The following PFAS variants were observed in gnomAD, a reference collection of about 807,000 sequenced individuals.
PFAS encodes FGAM synthase.
Under a neutral mutation model 140.6 loss-of-function variants are expected in PFAS, and 97 were observed. That is an observed-to-expected ratio of 0.69 (90% confidence interval 0.59 to 0.82). The LOEUF is 0.82. Ranked by LOEUF, PFAS falls within the 40% of genes least tolerant of loss-of-function variation. The pLI, the probability that PFAS is intolerant of heterozygous loss-of-function variation, is 0.00. For synonymous variants in PFAS, 679 were observed against 718.8 expected (o/e 0.94, Z 0.88); for missense variants, 1,656 against 1,780.2 (o/e 0.93, Z 1.26).
At position 8,265,722 on chromosome 17, in the gene PFAS, C is replaced by T; in HGVS notation, c.2545+83C>T. 4.3e-6 allele frequency: 6 copies of T among 1,396,568 alleles called. No individual in the cohort carries two copies. In the South Asian group the frequency reaches 6.9e-5, roughly 16 times the overall value. The allele number at this position is 1,396,568 out of a possible 1,614,324, so 86.5% of individuals were successfully genotyped here. On this transcript the variant is annotated intron_variant, in intron 20 of 27. Coordinates refer to ENST00000314666, the MANE Select transcript of PFAS (RefSeq NM_012393.3). ...TGCTTTGTGAGTGCTGGGCCCCCAT[C>T]TCAACACTGGGCTGTGGTGTTTTCT... is the stretch of plus-strand genomic sequence containing the variant.
Position 8,255,240 on chromosome 17 carries a change from G to T in PFAS, c.384+108G>T, listed in dbSNP as rs988045193. On this transcript the variant is annotated intron_variant, in intron 4 of 27. Transcript: ENST00000314666. ...GTGCTCCTGGCTTTAGGCCTGCTCTGTATGGTCGTACAAGTTGTTCACTGC... is the reference window on the plus strand; with the variant it reads ...GTGCTCCTGGCTTTAGGCCTGCTCTTTATGGTCGTACAAGTTGTTCACTGC... 4 of 814,698 alleles carry T rather than the reference G, an allele frequency of 4.9e-6. No homozygotes were observed. In the African/African-American group the frequency reaches 5.1e-5, roughly 10 times the overall value. The allele number at this position is 814,698 out of a possible 1,614,324, so 50.5% of individuals were successfully genotyped here. A position where few individuals can be genotyped will look rare whatever the true frequency, so the allele number is the denominator to read the frequency against.
chr17:8,252,790 G>A (rs8079155), intron 1 of PFAS, among the ~76,000 whole-genome samples: 2,892 of 151,980 alleles, frequency 0.019, 97 homozygotes, highest in African/African-American at 0.066. Context: ...GCAAATTTTT[G>A]TATCTTTTTT....
rs965725069 is a variant in PFAS, at chr17:8,266,965, T to C, written c.2968-63T>C. 6.2e-7 allele frequency: 1 copy of C among 1,600,656 alleles called. No individual in the cohort carries two copies. Among genetic ancestry groups the C allele is most frequent in the Admixed American group, 1.7e-5 (1 of 59,814 alleles). ...GAGTGGGGTGGCCGCGGTCCATCCC[T>C]CTCCCACTGTGGAGGGGGCCATCCT... On this transcript the variant is annotated intron_variant, in intron 23 of 27. Transcript: ENST00000314666. This position sits in a 1 kb window ranked among gnomAD's most constrained non-coding sequence, Gnocchi z 5.0.
At chr17:8,263,035 C>A in intron 12 of PFAS, 42 bp downstream of exon 12, 1 of 1,609,146 alleles carries the variant, frequency 6.2e-7, no homozygotes, top group South Asian at 1.1e-5. Flanking sequence ...TTGATATAAC[C>A]GGGCCCCAGG....
Position 8,268,938 on chromosome 17 carries a change from C to T in PFAS, c.3707-16C>T. 1.2e-6 allele frequency: 2 copies of T among 1,613,780 alleles called. No homozygotes were observed. The highest frequency in any genetic ancestry group is 2.7e-5 in the African/African-American group (2 of 75,054). ...GAAGGACCTTGGCTCTCACTTCCCT[C>T]CTCCTTCCATCCCAGGTTACGTAGC... On this transcript the variant is annotated splice_polypyrimidine_tract_variant and intron_variant, in intron 27 of 27. Coordinates refer to ENST00000314666, the MANE Select transcript of PFAS (RefSeq NM_012393.3).
At chr17:8,255,987 C>A (rs1364173696) in intron 6 of PFAS, 77 bp downstream of exon 6, 2 of 1,157,532 alleles carry the variant, frequency 1.7e-6, no homozygotes, top group Non-Finnish European at 2.6e-6. Flanking sequence ...CCTTCATGTT[C>A]CTCCCTTGGC....
At position 8,266,315 on chromosome 17, in the gene PFAS, G is replaced by A. The variant is rs1989811483; in HGVS notation, c.2783G>A (p.Cys928Tyr). ...CLLEMAFAGN[C>Y]GLQVDVPVPR... ...CTGGAGATGGCCTTTGCTGGAAATT[G>A]CGGGCTACAGGTGGATGTGCCTGTC... The change falls in exon 22 of 28, where the codon TGC becomes TAC. Residue 928 changes from cysteine (C) to tyrosine (Y), a missense_variant. Physicochemically the swap from Cys to Tyr is radical, Grantham distance 194 (BLOSUM62 -2). This residue lies in a region of PFAS where 883 missense variants were observed against 1,023.0 expected (regional missense o/e 0.86). Coordinates refer to ENST00000314666, the MANE Select transcript of PFAS (RefSeq NM_012393.3). The surrounding 1 kb of genome is among the most constrained non-coding windows in gnomAD (Gnocchi z 5.0). 1.2e-6 allele frequency: 2 copies of A among 1,613,984 alleles called. No homozygotes were observed. Among genetic ancestry groups the A allele is most frequent in the African/African-American group, 1.3e-5 (1 of 74,926 alleles).
At chr17:8,260,252 G>T (rs1159701443) in intron 11 of PFAS, among the ~76,000 whole-genome samples, 1 of 152,066 alleles carries the variant, frequency 6.6e-6, no homozygotes, top group African/African-American at 2.4e-5. Context: ...ATTTACAATA[G>T]CATCACCCAC....
At chr17:8,256,809 G>T in intron 8 of PFAS, 26 bp from the exon 9 acceptor site, 2 of 1,578,498 alleles carry the variant, frequency 1.3e-6, no homozygotes, top group Non-Finnish European at 1.7e-6. Context: ...GAGGCACCCA[G>T]ACCTCTCCCC....
chr17:8,252,064 C>A (rs981070276), intron 1 of PFAS, among the ~76,000 whole-genome samples: 3 of 151,864 alleles, frequency 2.0e-5, no homozygotes, highest in African/African-American at 7.2e-5. Context: ...GAGTCCGAGG[C>A]GGGCAGATCA....
chr17:8,255,511 C>G lies in PFAS; in HGVS notation c.394C>G (p.Pro132Ala), dbSNP rs1380529659. ...TRRYRLSFAHPPSAEVEAIAL... is the reference protein window; with the variant it reads ...TRRYRLSFAHAPSAEVEAIAL... ...GTGTCTGCACCCCTAGTTTGCCCAC[C>G]CCCCGTCAGCTGAGGTGGAAGCCAT... Residue 132 changes from proline (P) to alanine (A), a missense_variant, in exon 5 of 28, where the codon CCC becomes GCC. Around this residue, in one of 2 missense-constraint regions of PFAS, gnomAD observed 773 missense variants for 757.3 expected, o/e 1.02. Coordinates refer to ENST00000314666, the MANE Select transcript of PFAS (RefSeq NM_012393.3). The G allele has an allele frequency of 1.8e-5, 27 of 1,516,676 alleles. No homozygotes were observed. The highest frequency in any genetic ancestry group is 2.7e-5 in the South Asian group (2 of 74,724). 94.0% of individuals were successfully genotyped at this position (1,516,676 alleles called of 1,614,324 possible).
In PFAS at chr17:8,264,212, A is replaced by G; in HGVS notation, c.1792A>G (p.Ile598Val). ...TGGGTGGGGTCCCTGTGGTCTATAG[A>G]TAGTGCTGGTGGACGATCGGGAGTG... ...FVGTITGDRR[I>V]VLVDDRECPV... is the part of the protein sequence containing the mutation. The change falls in exon 16 of 28, where the codon ATA (isoleucine) becomes GTA (valine). Residue 598 changes from isoleucine to valine, a missense_variant and splice_region_variant. This residue lies in a region of PFAS where 883 missense variants were observed against 1,023.0 expected (regional missense o/e 0.86). Transcript: ENST00000314666. The G allele has an allele frequency of 5.0e-6, 8 of 1,613,972 alleles. No individual in the cohort carries two copies. The highest frequency in any genetic ancestry group is 1.1e-5 in the South Asian group (1 of 91,072).
rs539984905 is a variant in PFAS at position 8,258,022 on chromosome 17, G to A, written c.1208-49G>A. ...CGACCCAGGGGCTGTGCTATTGGGC[G>A]AGCACTGGGGGAACTGAGTGACAGG... On this transcript the variant is annotated intron_variant, in intron 10 of 27. Transcript: ENST00000314666. The A allele has an allele frequency of 6.2e-5, 100 of 1,612,912 alleles. No individual in the cohort carries two copies. The South Asian group carries it at 9.4e-4, about 15-fold the overall frequency.
In PFAS at chr17:8,266,783, G is replaced by A; in HGVS notation, c.2852G>A (p.Gly951Asp). 1 of 1,611,726 alleles carries A rather than the reference G, an allele frequency of 6.2e-7. No individual in the cohort carries two copies. Among genetic ancestry groups the A allele is most frequent in the Non-Finnish European group, 8.5e-7 (1 of 1,179,258 alleles). The change falls in exon 23 of 28, where the codon GGC (glycine) becomes GAC (aspartate). Residue 951 changes from glycine (G) to aspartate (D), a missense_variant. Physicochemically the swap from Gly to Asp is moderately conservative, Grantham distance 94. Around this residue, in one of 2 missense-constraint regions of PFAS, gnomAD observed 883 missense variants for 1,023.0 expected, o/e 0.86. Coordinates refer to ENST00000314666, the MANE Select transcript of PFAS (RefSeq NM_012393.3). The surrounding 1 kb of genome is among the most constrained non-coding windows in gnomAD (Gnocchi z 5.0). ...TCTGTGCTGTTCGCTGAGGAGCCAGGCCTCGTGCTGGAGGTGCAGGAGCCA... is the reference window on the plus strand; with the variant it reads ...TCTGTGCTGTTCGCTGAGGAGCCAGACCTCGTGCTGGAGGTGCAGGAGCCA... Reference protein sequence around the residue: ...VLSVLFAEEPGLVLEVQEPDL... With the variant: ...VLSVLFAEEPDLVLEVQEPDL...
intron 11 of PFAS, among the ~76,000 whole-genome samples, chr17:8,260,186 T>C (rs1445053933): frequency 6.9e-6 from 1 of 143,930 alleles, no homozygotes; most frequent in African/African-American, 2.5e-5. Context: ...TTATGTAGTA[T>C]ACATACAATA....
intron 18 of PFAS, 32 bp downstream of exon 18, chr17:8,265,157 C>T: frequency 6.3e-7 from 1 of 1,588,748 alleles, no homozygotes; most frequent in Non-Finnish European, 8.6e-7. Context: ...ATCCTGGAGC[C>T]CCCGGGCTTC....
At chr17:8,258,569 G>T (rs1168056418) in intron 11 of PFAS, among the ~76,000 whole-genome samples, 1 of 152,116 alleles carries the variant, frequency 6.6e-6, no homozygotes, top group African/African-American at 2.4e-5. Context: ...GGCCAGGCAG[G>T]GTGGCTCGCA....
chr17:8,248,198 C>T (rs2151565423), upstream of PFAS: 3 of 631,518 alleles, frequency 4.8e-6, no homozygotes, highest in Middle Eastern at 4.3e-4. Context: ...CCGCGAGGCG[C>T]CTCGGTGCAC....
Position 8,266,197 on chromosome 17 carries a change from G to A in PFAS, c.2702-37G>A. 6.2e-7 allele frequency: 1 copy of A among 1,611,686 alleles called. No individual in the cohort carries two copies. Among genetic ancestry groups the A allele is most frequent in the African/African-American group, 1.3e-5 (1 of 74,994 alleles). On this transcript the variant is annotated intron_variant, in intron 21 of 27. Transcript: ENST00000314666. The surrounding 1 kb of genome is among the most constrained non-coding windows in gnomAD (Gnocchi z 5.0). The stretch of plus-strand genomic sequence containing the variant: ...GGTGGGGTGGGGCTGTCAGGTTTGG[G>A]TCCCGAGGTTGCTGAGCTTTCTTCT...
Sources: gnomAD v4.1 joint callset for allele counts (sites outside exome capture counted in the v4.1 genomes callset) on GRCh38, gnomAD v4.1.1 for gene constraint, gnomAD v4.1.1 regional missense constraint, Gnocchi (gnomAD v3.1) non-coding constraint, MANE v1.5 for transcripts, NCBI Gene and HGNC (gene_info 2026-07-23, HGNC 2026-07-21) for gene names.